The following SGCZ variants were observed in gnomAD, a reference collection of about 807,000 sequenced individuals.
SGCZ encodes the protein zeta-sarcoglycan.
In SGCZ, 40 loss-of-function variants were observed where a neutral mutation model predicts 41.3. The observed-to-expected ratio is 0.97, with a 90% CI of 0.75 to 1.26. The LOEUF is 1.26. SGCZ is among the 50% of genes most tolerant of loss of function. The pLI is 0.00. For synonymous variants in SGCZ, 206 were observed against 137.5 expected (o/e 1.50, Z -3.49); for missense variants, 552 against 369.8 (o/e 1.49, Z -4.04).
chr8:14,509,534 A>G (rs1458574381), intron 2 of SGCZ, among the ~76,000 whole-genome samples: 1 of 152,162 alleles, frequency 6.6e-6, no homozygotes, highest in East Asian at 1.9e-4. Context: ...GCTACACACA[A>G]CAGTCAGCTG....
chr8:14,385,800 C>T (rs1443241977), intron 2 of SGCZ, among the ~76,000 whole-genome samples: 1 of 152,084 alleles, frequency 6.6e-6, no homozygotes, highest in Non-Finnish European at 1.5e-5. Context: ...TGTTTAATAA[C>T]AAATCGAATA....
intron 2 of SGCZ, among the ~76,000 whole-genome samples, chr8:14,501,233 A>G (rs901396216): frequency 2.0e-5 from 3 of 151,628 alleles, no homozygotes; most frequent in Non-Finnish European, 4.4e-5. Flanking sequence ...CTACCTATTA[A>G]CATCCTTATA....
intron 1 of SGCZ, among the ~76,000 whole-genome samples, chr8:14,922,841 A>G (rs7007490): frequency 0.024 from 3,617 of 152,320 alleles, 138 homozygotes; most frequent in African/African-American, 0.083. Flanking sequence ...ATACTCAGTT[A>G]CAAAAATCCT....
At chr8:14,283,506 C>CAT (rs958919798) in intron 3 of SGCZ, among the ~76,000 whole-genome samples, 4 of 152,230 alleles carry the variant, frequency 2.6e-5, no homozygotes, top group East Asian at 1.9e-4. Context: ...ACACTCTTTT[C>CAT]ATATATATAT....
At chr8:15,049,287 T>A (rs532720605) in intron 1 of SGCZ, among the ~76,000 whole-genome samples, 8 of 152,174 alleles carry the variant, frequency 5.3e-5, no homozygotes, top group African/African-American at 1.9e-4. Context: ...ATTCAATATA[T>A]ACAAAGGCCT....
Position 14,336,111 on chromosome 8 carries a change from A to G in SGCZ, c.235-11907T>C, listed in dbSNP as rs1287936159. ...GACCCCAGTGTATATTGTTTCCCCCATGTGTCCATGTGTTCCCATCATTTA... is the reference window on the plus strand; with the variant it reads ...GACCCCAGTGTATATTGTTTCCCCCGTGTGTCCATGTGTTCCCATCATTTA... On this transcript the variant is annotated intron_variant, in intron 2 of 7. Coordinates refer to ENST00000382080, the MANE Select transcript of SGCZ (RefSeq NM_139167.4). Among the ~76,000 whole-genome samples, 4 of 151,852 alleles carry G rather than the reference A, an allele frequency of 2.6e-5. No individual in the cohort carries two copies. In the East Asian group the frequency reaches 7.8e-4, roughly 29 times the overall value.
chr8:14,209,423 C>A (rs901866176), intron 4 of SGCZ, among the ~76,000 whole-genome samples: 1 of 152,028 alleles, frequency 6.6e-6, no homozygotes, highest in Admixed American at 6.6e-5. Context: ...TGGTGTGAGA[C>A]AGGAACCCTG....
In SGCZ at chr8:14,087,673, A is replaced by G. The variant is rs1585121478; in HGVS notation, c.*2770T>C. On this transcript the variant is annotated 3_prime_UTR_variant, in exon 8 of 8. Transcript: ENST00000382080. Reference sequence around the variant, plus strand: ...ATAAAGATGGTACTGGGAAAACATAATCTGTTAGGGTACTGTGCAATTAAG... The same window carrying G: ...ATAAAGATGGTACTGGGAAAACATAGTCTGTTAGGGTACTGTGCAATTAAG... Among the ~76,000 whole-genome samples the G allele has an allele frequency of 6.6e-6, 1 of 151,586 alleles. No individual in the cohort carries two copies. The highest frequency in any genetic ancestry group is 1.9e-4 in the East Asian group (1 of 5,140).
chr8:14,434,366 G>A (rs538677038), intron 2 of SGCZ, among the ~76,000 whole-genome samples: 1 of 152,046 alleles, frequency 6.6e-6, no homozygotes, highest in Non-Finnish European at 1.5e-5. Flanking sequence ...TTGGGTGACT[G>A]TGGCCTTATA....
intron 1 of SGCZ, among the ~76,000 whole-genome samples, chr8:14,726,324 C>CTATATA (rs1362751704): frequency 8.3e-6 from 1 of 121,176 alleles, no homozygotes; most frequent in Non-Finnish European, 1.6e-5. Context: ...ATATATATAT[C>CTATATA]TATATATATA....
intron 1 of SGCZ, among the ~76,000 whole-genome samples, chr8:14,693,889 G>C (rs890505043): frequency 6.6e-6 from 1 of 152,070 alleles, no homozygotes; most frequent in Non-Finnish European, 1.5e-5. Context: ...ACCATGTCTG[G>C]CCTTGAGGGC....
intron 1 of SGCZ, among the ~76,000 whole-genome samples, chr8:14,589,989 C>T (rs1805189017): frequency 6.6e-6 from 1 of 152,070 alleles, no homozygotes; most frequent in Admixed American, 6.6e-5. Context: ...CAACTCTTTG[C>T]CCTACGGAGT....
At chr8:14,219,469 C>A (rs528260892) in intron 4 of SGCZ, among the ~76,000 whole-genome samples, 2 of 152,320 alleles carry the variant, frequency 1.3e-5, no homozygotes, top group Non-Finnish European at 2.9e-5. Context: ...TGAATGAGAA[C>A]TGGGCACAGT....
intron 1 of SGCZ, among the ~76,000 whole-genome samples, chr8:15,019,377 G>A (rs1226325959): frequency 6.6e-6 from 1 of 152,180 alleles, no homozygotes; most frequent in Non-Finnish European, 1.5e-5. Context: ...GTATGCACCC[G>A]AGTGGAAGTT....
intron 5 of SGCZ, among the ~76,000 whole-genome samples, chr8:14,137,491 T>C (rs1408999776): frequency 6.6e-6 from 1 of 152,064 alleles, no homozygotes; most frequent in South Asian, 2.1e-4. Flanking sequence ...TTAAATGACC[T>C]GATGGAGCTG....
intron 4 of SGCZ, among the ~76,000 whole-genome samples, chr8:14,225,197 C>G (rs1806330316): frequency 6.6e-6 from 1 of 152,142 alleles, no homozygotes; most frequent in East Asian, 1.9e-4. Context: ...TAGATAATTT[C>G]TATTTTTATT....
chr8:14,179,889 A>G (rs1011845492), intron 4 of SGCZ, among the ~76,000 whole-genome samples: 1 of 152,236 alleles, frequency 6.6e-6, no homozygotes, highest in African/African-American at 2.4e-5. Context: ...GTGAAAAAAA[A>G]TCATCACTGG....
rs1272848322 is a variant in SGCZ, at chr8:15,204,992, C to T, written c.39+32593G>A. On this transcript the variant is annotated intron_variant, in intron 1 of 7. Coordinates refer to ENST00000382080, the MANE Select transcript of SGCZ (RefSeq NM_139167.4). ...TTCTAATTAGGTGATGAGAAATAAG[C>T]ACATCTACAGTAAAGTTTAAAATAG... Among the ~76,000 whole-genome samples the T allele has an allele frequency of 4.6e-5, 7 of 152,178 alleles. No homozygotes were observed. The East Asian group carries it at 1.4e-3, about 29-fold the overall frequency.
intron 4 of SGCZ, among the ~76,000 whole-genome samples, chr8:14,222,260 T>C (rs938660181): frequency 6.6e-6 from 1 of 151,900 alleles, no homozygotes; most frequent in Middle Eastern, 3.2e-3. Flanking sequence ...AAACTCCGCC[T>C]CCCGGGTTCA....
Sources: allele counts gnomAD v4.1 joint callset (sites outside exome capture counted in the v4.1 genomes callset), GRCh38; gene constraint gnomAD v4.1.1; transcripts MANE v1.5; gene names NCBI Gene and HGNC (gene_info 2026-07-23, HGNC 2026-07-21).